The following TGFBR2 variants were observed in gnomAD, a reference collection of about 807,000 sequenced individuals.
TGFBR2 encodes TGF-beta receptor type-2.
TGFBR2 carries 18 observed loss-of-function variants against 49.0 expected under a neutral mutation model. The observed-to-expected ratio is 0.37, with a 90% CI of 0.25 to 0.54. The LOEUF (loss-of-function observed/expected upper bound fraction) is 0.54, where lower values mean the gene tolerates loss of function less well. TGFBR2 is among the 20% of genes least tolerant of loss of function. TGFBR2 has a pLI of 0.85. For missense variants in TGFBR2, 525 were observed against 722.6 expected (o/e 0.73, Z 3.13); for synonymous variants, 282 against 275.9 (o/e 1.02, Z -0.22).
chr3:30,612,200 A>C (rs1042153385), intron 1 of TGFBR2, among the ~76,000 whole-genome samples: 64 of 152,240 alleles, frequency 4.2e-4, no homozygotes, highest in African/African-American at 1.5e-3. Context: ...CAGCCACTTG[A>C]TATTATGTAT....
Position 30,650,157 on chromosome 3 carries a change from T to G in TGFBR2, c.264-113T>G, listed in dbSNP as rs895007060. On this transcript the variant is annotated intron_variant, in intron 2 of 6. Coordinates refer to ENST00000295754, the MANE Select transcript of TGFBR2 (RefSeq NM_003242.6). The stretch of plus-strand genomic sequence containing the variant: ...ACCAGCTGCCGTTGTTAGGAACAAC[T>G]TCATGAAGGAAAAGTATTCCAGATT... 4 of 1,118,118 alleles carry G rather than the reference T, an allele frequency of 3.6e-6. No individual in the cohort carries two copies. The African/African-American group carries it at 6.1e-5, about 17-fold the overall frequency. 69.3% of individuals were successfully genotyped at this position (1,118,118 alleles called of 1,614,324 possible).
chr3:30,620,371 G>A (rs1236181160), intron 1 of TGFBR2, among the ~76,000 whole-genome samples: 1 of 152,054 alleles, frequency 6.6e-6, no homozygotes, highest in African/African-American at 2.4e-5. Flanking sequence ...ATCCAAGGCG[G>A]GGAGTGCTAT....
chr3:30,636,275 C>G (rs1488443701), intron 1 of TGFBR2, among the ~76,000 whole-genome samples: 1 of 151,668 alleles, frequency 6.6e-6, no homozygotes, highest in African/African-American at 2.4e-5. Flanking sequence ...ATTTCCTGCT[C>G]TAAGAGATTT....
chr3:30,640,229 C>T (rs371931692), intron 1 of TGFBR2, among the ~76,000 whole-genome samples: 77 of 152,230 alleles, frequency 5.1e-4, no homozygotes, highest in African/African-American at 1.8e-3. Flanking sequence ...GAGATGCTAC[C>T]CATGTTCACT....
At chr3:30,666,357 G>C (rs1036560602) in intron 3 of TGFBR2, among the ~76,000 whole-genome samples, 1 of 152,170 alleles carries the variant, frequency 6.6e-6, no homozygotes, top group African/African-American at 2.4e-5. Context: ...AAAAGAAAAA[G>C]ATTTGGGGGT....
At chr3:30,679,131 A>G (rs906372391) in intron 5 of TGFBR2, among the ~76,000 whole-genome samples, 1 of 152,170 alleles carries the variant, frequency 6.6e-6, no homozygotes, top group African/African-American at 2.4e-5. Context: ...ATTTACTGGC[A>G]CTGGAACACT....
At position 30,666,717 on chromosome 3, in the gene TGFBR2, G is replaced by A. The variant is rs552767226; in HGVS notation, c.455-4921G>A. 2.8e-4 allele frequency among the ~76,000 whole-genome samples: 41 copies of A among 143,890 alleles called. No homozygotes were observed. The East Asian group carries it at 6.9e-3, about 24-fold the overall frequency. The allele number at this position is 143,890 out of a possible 152,430, so 94.4% of individuals were successfully genotyped here. ...AGTGGCAGGATCATAGTGTGCTGCC[G>A]CCTTGAACTCCTGCCTCAAGTAAAG... On this transcript the variant is annotated intron_variant, in intron 3 of 6. Coordinates refer to ENST00000295754, the MANE Select transcript of TGFBR2 (RefSeq NM_003242.6).
chr3:30,628,457 C>G lies in TGFBR2; in HGVS notation c.95-16290C>G, dbSNP rs374415216. ...CCTCTGTGCTGTATTCTCCTAGAAACTCACCTTTATTTGGCATGCTGTGAC... is the reference window on the plus strand; with the variant it reads ...CCTCTGTGCTGTATTCTCCTAGAAAGTCACCTTTATTTGGCATGCTGTGAC... On this transcript the variant is annotated intron_variant, in intron 1 of 6. Coordinates refer to ENST00000295754, the MANE Select transcript of TGFBR2 (RefSeq NM_003242.6). Among the ~76,000 whole-genome samples, 155 of 138,222 alleles carry G rather than the reference C, an allele frequency of 1.1e-3. 3 individuals are homozygous for G. The highest frequency in any genetic ancestry group is 3.8e-3 in the African/African-American group (143 of 37,342). The allele number at this position is 138,222 out of a possible 152,430, so 90.7% of individuals were successfully genotyped here. A position where few individuals can be genotyped will look rare whatever the true frequency, so the allele number is the denominator to read the frequency against.
chr3:30,649,803 T>C (rs1575146245), intron 2 of TGFBR2, among the ~76,000 whole-genome samples: 1 of 152,174 alleles, frequency 6.6e-6, no homozygotes, highest in African/African-American at 2.4e-5. Flanking sequence ...TCCCCAGGCA[T>C]GCTCTTTGAA....
chr3:30,642,282 T>A (rs537312169), intron 1 of TGFBR2, among the ~76,000 whole-genome samples: 1 of 152,146 alleles, frequency 6.6e-6, no homozygotes, highest in East Asian at 1.9e-4. Context: ...GCAGCATAAG[T>A]TGTATATGTG....
At chr3:30,620,489 G>A (rs1450659791) in intron 1 of TGFBR2, among the ~76,000 whole-genome samples, 1 of 151,900 alleles carries the variant, frequency 6.6e-6, no homozygotes, top group Admixed American at 6.6e-5. Flanking sequence ...AATCTCGTAT[G>A]ATCTGCTTTG....
At chr3:30,641,828 T>C (rs1698650741) in intron 1 of TGFBR2, among the ~76,000 whole-genome samples, 1 of 152,106 alleles carries the variant, frequency 6.6e-6, no homozygotes, top group Non-Finnish European at 1.5e-5. Flanking sequence ...GTTACAGTGG[T>C]GCTCCTGGAG....
Position 30,685,621 on chromosome 3 carries a change from G to A in TGFBR2, c.1397-2763G>A, listed in dbSNP as rs552019075. Among the ~76,000 whole-genome samples the A allele has an allele frequency of 2.0e-5, 3 of 152,314 alleles. No homozygotes were observed. In the South Asian group the frequency reaches 6.2e-4, roughly 32 times the overall value. ...GAATTGCACCATAGTTACCCACCAA[G>A]AGCCAAGAGAATTGGACTGTTAAAC... On this transcript the variant is annotated intron_variant, in intron 5 of 6. Transcript: ENST00000295754.
chr3:30,668,427 G>A (rs1159382750), intron 3 of TGFBR2, among the ~76,000 whole-genome samples: 1 of 152,188 alleles, frequency 6.6e-6, no homozygotes, highest in Non-Finnish European at 1.5e-5. Context: ...TAGAGGTGGA[G>A]TTTCAGGCAG....
chr3:30,620,369 C>T (rs572232736), intron 1 of TGFBR2, among the ~76,000 whole-genome samples: 5 of 152,028 alleles, frequency 3.3e-5, no homozygotes, highest in East Asian at 1.9e-4. Flanking sequence ...AGATCCAAGG[C>T]GGGGAGTGCT....
intron 1 of TGFBR2, among the ~76,000 whole-genome samples, chr3:30,607,269 G>T (rs1293964397): frequency 2.6e-5 from 4 of 152,242 alleles, no homozygotes; most frequent in Admixed American, 2.6e-4. Flanking sequence ...CCCACCCCCG[G>T]AAAGGGAAGT....
intron 3 of TGFBR2, among the ~76,000 whole-genome samples, chr3:30,655,325 G>A (rs1304878039): frequency 2.0e-5 from 3 of 152,022 alleles, no homozygotes; most frequent in Non-Finnish European, 4.4e-5. Context: ...CTGAGCATTT[G>A]GATACCTACA....
At chr3:30,683,237 A>G (rs1255682731) in intron 5 of TGFBR2, among the ~76,000 whole-genome samples, 1 of 152,204 alleles carries the variant, frequency 6.6e-6, no homozygotes, top group Non-Finnish European at 1.5e-5. Context: ...ACATTCCTTA[A>G]GAAGCATTTA....
At chr3:30,655,151 C>T (rs1429271077) in intron 3 of TGFBR2, among the ~76,000 whole-genome samples, 2 of 152,150 alleles carry the variant, frequency 1.3e-5, no homozygotes, top group Admixed American at 6.5e-5. Context: ...GTGCTTGCAA[C>T]GTTGCCTGAC....
Sources: allele counts gnomAD v4.1 joint callset (sites outside exome capture counted in the v4.1 genomes callset), GRCh38; gene constraint gnomAD v4.1.1; transcripts MANE v1.5; gene names NCBI Gene and HGNC (gene_info 2026-07-23, HGNC 2026-07-21).